The following ALDH3B2 variants were observed in gnomAD, a reference collection of about 807,000 sequenced individuals.
ALDH3B2 encodes the protein aldehyde dehydrogenase 3 family member B2, also known as aldehyde dehydrogenase family 3 member B2.
A neutral mutation model predicts 36.7 loss-of-function variants in ALDH3B2; 45 were observed. That is an observed-to-expected ratio of 1.23 (90% CI 0.97 to 1.57). The LOEUF is 1.57. Ranked by LOEUF, ALDH3B2 falls within the 40% of genes most tolerant of loss-of-function variation. ALDH3B2 has a pLI of 0.00. For missense variants in ALDH3B2, 464 were observed against 513.3 expected (o/e 0.90, Z 0.93); for synonymous variants, 217 against 226.5 (o/e 0.96, Z 0.38).
chr11:67,663,988 G>T (rs149951754), intron 8 of ALDH3B2, among the ~76,000 whole-genome samples: 355 of 152,314 alleles, frequency 2.3e-3, no homozygotes, highest in Admixed American at 6.1e-3. Flanking sequence ...AGCCCTGCAG[G>T]ATCATGGGGA....
chr11:67,667,339 G>A, intron 2 of ALDH3B2, 134 bp downstream of exon 2: 1 of 380,144 alleles, frequency 2.6e-6, no homozygotes, highest in South Asian at 6.3e-5. Flanking sequence ...CACTCCACAT[G>A]CCAGGGAGGG....
chr11:67,677,230 C>T (rs887704892), upstream of ALDH3B2, among the ~76,000 whole-genome samples: 2 of 152,000 alleles, frequency 1.3e-5, no homozygotes, highest in Non-Finnish European at 2.9e-5. Context: ...CCGAATTCAA[C>T]ACCATATCAA....
intron 6 of ALDH3B2, 73 bp downstream of exon 6, chr11:67,666,049 C>A: frequency 6.4e-7 from 1 of 1,568,762 alleles, no homozygotes; most frequent in South Asian, 1.1e-5. Context: ...AGCCTCCTCC[C>A]TCCACAACCC....
chr11:67,665,774 G>A (rs1855891508), intron 6 of ALDH3B2, 103 bp from the exon 7 acceptor site: 5 of 1,481,030 alleles, frequency 3.4e-6, no homozygotes, highest in East Asian at 2.3e-5. Flanking sequence ...GGAGTCGGCG[G>A]GCTTCCTAGG....
At chr11:67,663,815 G>A in intron 8 of ALDH3B2, 54 bp from the exon 9 acceptor site, 2 of 1,495,364 alleles carry the variant, frequency 1.3e-6, no homozygotes, top group South Asian at 2.4e-5. Flanking sequence ...AAGAGGGCTT[G>A]AGCCCCGCAC....
intron 1 of ALDH3B2, among the ~76,000 whole-genome samples, chr11:67,670,057 T>C (rs1174638806): frequency 5.8e-5 from 1 of 17,110 alleles, no homozygotes. Flanking sequence ...TGTCTCTATG[T>C]GTATGGGTGT....
chr11:67,663,285 G>A, exon 10 of ALDH3B2: 1 of 1,614,182 alleles, frequency 6.2e-7, no homozygotes, highest in Non-Finnish European at 8.5e-7. Context: ...GGTATAGGGT[G>A]GGTAGTGGAT....
rs531342454 is a variant in ALDH3B2, at chr11:67,665,216, C to T, written c.706+69G>A. ...TCAGGTGCGAGTCCAGACTCGTGGC[C>T]CAGCCGTGGGCCCTCCATTGAGAAA... On this transcript the variant is annotated intron_variant, in intron 7 of 9. Transcript: ENST00000349015. The T allele has an allele frequency of 8.4e-5, 128 of 1,527,300 alleles. 1 individual carries two copies. In the Middle Eastern group the frequency reaches 1.4e-3, roughly 17 times the overall value. 94.6% of individuals were successfully genotyped at this position (1,527,300 alleles called of 1,614,324 possible). A position where few individuals can be genotyped will look rare whatever the true frequency, so the allele number is the denominator to read the frequency against.
At chr11:67,678,425 G>A (rs58113120), upstream of ALDH3B2, among the ~76,000 whole-genome samples, 2,634 of 152,180 alleles carry the variant, frequency 0.017, 73 homozygotes, top group African/African-American at 0.06. Context: ...ACATGTAGGA[G>A]AATGCAACTG....
At position 67,666,223 on chromosome 11, in the gene ALDH3B2, G is replaced by A. The variant is rs1245240724; in HGVS notation, c.238-20C>T. The A allele has an allele frequency of 3.2e-6, 5 of 1,545,862 alleles. No individual in the cohort carries two copies. Among genetic ancestry groups the A allele is most frequent in the African/African-American group, 1.7e-5 (1 of 59,974 alleles). ...GCAGCTCTGCAAGGTGGAATGAGAG[G>A]CTCGGGGCGGGCTCGGGGCCAGCCG... On this transcript the variant is annotated intron_variant, in intron 5 of 9. Transcript: ENST00000349015.
upstream of ALDH3B2, among the ~76,000 whole-genome samples, chr11:67,678,833 T>C (rs185717608): frequency 2.7e-3 from 413 of 151,462 alleles, 1 homozygote; most frequent in South Asian, 0.019. Flanking sequence ...TATGTTTGAA[T>C]ACTACTCAGC....
chr11:67,668,537 C>T (rs952683273), intron 1 of ALDH3B2, among the ~76,000 whole-genome samples: 1 of 152,020 alleles, frequency 6.6e-6, no homozygotes, highest in African/African-American at 2.4e-5. Context: ...TTTGTGTATC[C>T]GTGTGTCTGT....
chr11:67,668,404 T>A (rs1335006958), intron 1 of ALDH3B2, among the ~76,000 whole-genome samples: 1 of 151,554 alleles, frequency 6.6e-6, no homozygotes, highest in Non-Finnish European at 1.5e-5. Context: ...GGAGGAAGGA[T>A]CAGGACCCTG....
exon 7 of ALDH3B2, chr11:67,665,483 G>C (rs1225598185): frequency 1.2e-6 from 2 of 1,614,006 alleles, no homozygotes; most frequent in African/African-American, 2.7e-5. Flanking sequence ...GGGCTGCACA[G>C]GACGTAGTCA....
chr11:67,674,796 G>A (rs570071222), upstream of ALDH3B2: 1 of 152,524 alleles, frequency 6.6e-6, no homozygotes, highest in African/African-American at 2.4e-5. Flanking sequence ...GAACAGGTTA[G>A]ACAAGTCAAG....
chr11:67,666,609 A>T (rs757423369), exon 4 of ALDH3B2: 1 of 1,614,132 alleles, frequency 6.2e-7, no homozygotes, highest in Admixed American at 1.7e-5. Context: ...CACCAGGGTC[A>T]GGTTCAGTGG....
chr11:67,664,973 C>T lies in ALDH3B2; in HGVS notation c.706+312G>A, dbSNP rs75664794. On this transcript the variant is annotated intron_variant, in intron 7 of 9. Transcript: ENST00000349015. Reference sequence around the variant, plus strand: ...GTTTAGAACCTGGGGATCATGGGCTCGGAGAATCAGAGGTTACGGCCTTTC... The same window carrying T: ...GTTTAGAACCTGGGGATCATGGGCTTGGAGAATCAGAGGTTACGGCCTTTC... Among the ~76,000 whole-genome samples the T allele has an allele frequency of 7.2e-3, 1,093 of 152,246 alleles. 12 individuals are homozygous for T. Among genetic ancestry groups the T allele is most frequent in the African/African-American group, 0.024 (1,008 of 41,540 alleles).
chr11:67,667,169 G>C (rs1855944501), intron 2 of ALDH3B2, among the ~76,000 whole-genome samples, 153 bp from the exon 3 acceptor site: 1 of 152,190 alleles, frequency 6.6e-6, no homozygotes, highest in Non-Finnish European at 1.5e-5. Context: ...ACTGCGCATG[G>C]CTGCAATTCT....
intron 1 of ALDH3B2, among the ~76,000 whole-genome samples, chr11:67,680,144 T>A (rs557813135): frequency 1.1e-4 from 16 of 152,062 alleles, no homozygotes; most frequent in African/African-American, 3.9e-4. Flanking sequence ...TGAAACCCCA[T>A]CTCTACTAAA....
Sources: allele counts gnomAD v4.1 joint callset (sites outside exome capture counted in the v4.1 genomes callset), GRCh38; gene constraint gnomAD v4.1.1; transcripts MANE v1.5; gene names NCBI Gene and HGNC (gene_info 2026-07-23, HGNC 2026-07-21).